The following TNIK variants were observed in gnomAD, a reference collection of about 807,000 sequenced individuals.
TNIK encodes TRAF2 and NCK-interacting protein kinase.
Under a neutral mutation model 191.3 loss-of-function variants are expected in TNIK, and 49 were observed. That is an observed-to-expected ratio of 0.26 (90% CI 0.20 to 0.32). The LOEUF (loss-of-function observed/expected upper bound fraction) is 0.32. Ranked by LOEUF, TNIK falls within the 10% of genes least tolerant of loss-of-function variation. The pLI is 1.00. For synonymous variants in TNIK, 594 were observed against 600.9 expected (o/e 0.99, Z 0.17); for missense variants, 1,155 against 1,702.3 (o/e 0.68, Z 5.66).
chr3:171,113,805 G>C (rs973951339), intron 18 of TNIK, among the ~76,000 whole-genome samples: 3 of 151,952 alleles, frequency 2.0e-5, no homozygotes, highest in Non-Finnish European at 4.4e-5. Flanking sequence ...GACACAGCCT[G>C]TGCCCTCTGT....
intron 12 of TNIK, among the ~76,000 whole-genome samples, chr3:171,142,064 G>A (rs77422291): frequency 1.7e-3 from 263 of 152,276 alleles, no homozygotes; most frequent in Non-Finnish European, 3.0e-3. Flanking sequence ...GCAATCCTCC[G>A]GACCTGCTGT....
intron 22 of TNIK, among the ~76,000 whole-genome samples, chr3:171,099,740 C>A (rs1723191942): frequency 6.6e-6 from 1 of 152,048 alleles, no homozygotes; most frequent in Admixed American, 6.6e-5. Flanking sequence ...ACAGGAAATG[C>A]CAGACAGAAG....
rs796404682 is a variant in TNIK, at chr3:171,139,372, A to ACG, written c.1419+96_1419+97dup. ...ACTGGTATGTTAGAAGGACACACGC[A>ACG]CGCGCGCACACACACACACACACAC... On this transcript the variant is annotated intron_variant, in intron 14 of 32. Coordinates refer to ENST00000436636, the MANE Select transcript of TNIK (RefSeq NM_015028.4). 6,817 of 729,186 alleles carry ACG rather than the reference A, an allele frequency of 9.3e-3. 66 individuals carry two copies. The highest frequency in any genetic ancestry group is 0.074 in the African/African-American group (3,022 of 40,756). 45.2% of individuals were successfully genotyped at this position (729,186 alleles called of 1,614,324 possible). A position where few individuals can be genotyped will look rare whatever the true frequency, so the allele number is the denominator to read the frequency against.
At chr3:171,370,919 T>G (rs1716401994) in intron 1 of TNIK, among the ~76,000 whole-genome samples, 1 of 152,086 alleles carries the variant, frequency 6.6e-6, no homozygotes, top group South Asian at 2.1e-4. Flanking sequence ...GACACTTACA[T>G]AAGAGCAATG....
intron 2 of TNIK, 62 bp from the exon 3 acceptor site, chr3:171,228,283 C>A: frequency 1.9e-6 from 3 of 1,597,356 alleles, no homozygotes; most frequent in Non-Finnish European, 2.6e-6. Flanking sequence ...CATTCAATTC[C>A]AACAATAAAG....
intron 4 of TNIK, among the ~76,000 whole-genome samples, chr3:171,208,644 G>C (rs930439304): frequency 6.6e-6 from 1 of 151,692 alleles, no homozygotes; most frequent in Non-Finnish European, 1.5e-5. Context: ...TGCAACCTCC[G>C]CCTCCCAAGT....
chr3:171,173,718 C>A (rs1735622576), intron 9 of TNIK, among the ~76,000 whole-genome samples: 1 of 152,086 alleles, frequency 6.6e-6, no homozygotes, highest in South Asian at 2.1e-4. Flanking sequence ...TGTGGAAAAG[C>A]TCAGAATACG....
At chr3:171,137,750 A>C (rs1308822904) in intron 15 of TNIK, among the ~76,000 whole-genome samples, 5 of 152,238 alleles carry the variant, frequency 3.3e-5, no homozygotes, top group Admixed American at 3.3e-4. Flanking sequence ...CAGTGAACAA[A>C]GTTATGTTAG....
At chr3:171,305,572 T>C (rs749427246) in intron 2 of TNIK, among the ~76,000 whole-genome samples, 2 of 152,092 alleles carry the variant, frequency 1.3e-5, no homozygotes, top group African/African-American at 2.4e-5. Flanking sequence ...AAGACACTTT[T>C]CAAAAGAAGA....
At chr3:171,288,317 AT>A (rs201753250) in intron 2 of TNIK, among the ~76,000 whole-genome samples, 1 of 149,954 alleles carries the variant, frequency 6.7e-6, no homozygotes, top group African/African-American at 2.5e-5. Flanking sequence ...TTAAAGTATA[AT>A]TTAAAAAAAA....
At chr3:171,448,546 G>T in intron 1 of TNIK, among the ~76,000 whole-genome samples, 1 of 146,264 alleles carries the variant, frequency 6.8e-6, no homozygotes, top group Non-Finnish European at 1.5e-5. Flanking sequence ...CCTATTTGAG[G>T]TTACTATAAA....
At chr3:171,410,008 T>G (rs896826980) in intron 1 of TNIK, among the ~76,000 whole-genome samples, 6 of 151,948 alleles carry the variant, frequency 3.9e-5, no homozygotes, top group African/African-American at 1.5e-4. Context: ...CACCACAATT[T>G]TGTACAAACA....
Position 171,254,097 on chromosome 3 carries a change from C to CT in TNIK, c.124-25877dup, listed in dbSNP as rs757411917. ...GTGCAAATGATTAATATTAAATTTC[C>CT]TTTTTTCTTAAGAATGTTTATTTTA... On this transcript the variant is annotated intron_variant, in intron 2 of 32. Transcript: ENST00000436636. Among the ~76,000 whole-genome samples, 21 of 152,146 alleles carry CT rather than the reference C, an allele frequency of 1.4e-4. No homozygotes were observed. The East Asian group carries it at 3.5e-3, about 25-fold the overall frequency.
intron 1 of TNIK, among the ~76,000 whole-genome samples, chr3:171,398,987 C>T (rs948687241): frequency 2.6e-5 from 4 of 152,176 alleles, no homozygotes; most frequent in African/African-American, 9.7e-5. Flanking sequence ...ACTTCTCACC[C>T]ACAGTAGGTC....
chr3:171,126,037 A>C lies in TNIK; in HGVS notation c.1888T>G (p.Ser630Ala). Residue 630 changes from serine (S) to alanine (A), a missense_variant, in exon 17 of 33, where the codon TCC becomes GCC. By Grantham distance (99) the Ser-to-Ala change is moderately conservative (BLOSUM62 1). Coordinates refer to ENST00000436636, the MANE Select transcript of TNIK (RefSeq NM_015028.4). ...SGFQEALNVT[S>A]HRVEMPRQNS... ...TGGCGTGGCATCTCCACGCGGTGGG[A>C]GGTCACGTTCAGAGCCTCCTGAAAC... The C allele has an allele frequency of 6.2e-7, 1 of 1,613,864 alleles. No individual in the cohort carries two copies.
At chr3:171,369,802 T>C in intron 1 of TNIK, 117 bp from the exon 2 acceptor site, 1 of 751,064 alleles carries the variant, frequency 1.3e-6, no homozygotes, top group Non-Finnish European at 2.1e-6. Flanking sequence ...CTTCAGGGGC[T>C]CTCATGTGTT....
At chr3:171,218,098 T>G (rs1741681880) in intron 3 of TNIK, among the ~76,000 whole-genome samples, 1 of 152,186 alleles carries the variant, frequency 6.6e-6, no homozygotes, top group Non-Finnish European at 1.5e-5. Flanking sequence ...CATCTCACAC[T>G]AACTTTGTGA....
chr3:171,210,851 GA>G (rs11324657), intron 4 of TNIK, among the ~76,000 whole-genome samples: 86,944 of 131,250 alleles, frequency 0.66, 27,403 homozygotes, highest in Middle Eastern at 0.78. Flanking sequence ...GTCAATTAGT[GA>G]AAAAAAAAAA....
At chr3:171,168,441 C>G (rs1734886957) in intron 9 of TNIK, among the ~76,000 whole-genome samples, 1 of 152,228 alleles carries the variant, frequency 6.6e-6, no homozygotes, top group Admixed American at 6.5e-5. Context: ...GGTGCCCTCA[C>G]CACACAGAAC....
Sources: allele counts gnomAD v4.1 joint callset (sites outside exome capture counted in the v4.1 genomes callset), GRCh38; gene constraint gnomAD v4.1.1; transcripts MANE v1.5; gene names NCBI Gene and HGNC (gene_info 2026-07-23, HGNC 2026-07-21).